The following MACO1 variants were observed in gnomAD, a reference collection of about 807,000 sequenced individuals.
MACO1 encodes macoilin 1.
In MACO1, 14 loss-of-function variants were observed where a neutral mutation model predicts 78.7. The ratio of observed to expected loss-of-function variants is 0.18; its 90% CI spans 0.12 to 0.28. MACO1 has a LOEUF of 0.28. Ranked by LOEUF, MACO1 falls within the 10% of genes least tolerant of loss-of-function variation. The pLI, the probability that MACO1 is intolerant of heterozygous loss-of-function variation, is 1.00. For missense variants in MACO1, 501 were observed against 799.0 expected (o/e 0.63, Z 4.50); for synonymous variants, 288 against 291.6 (o/e 0.99, Z 0.12).
intron 1 of MACO1, among the ~76,000 whole-genome samples, chr1:25,437,401 C>G (rs931333370): frequency 6.0e-5 from 9 of 150,800 alleles, no homozygotes; most frequent in African/African-American, 2.2e-4. Context: ...AAGTGAGCCA[C>G]TCACCTTGAC....
chr1:25,455,674 C>T (rs2043112966), intron 4 of MACO1, among the ~76,000 whole-genome samples: 1 of 152,064 alleles, frequency 6.6e-6, no homozygotes, highest in Admixed American at 6.5e-5. Context: ...CTAAGTACAG[C>T]TGGTTTAATT....
intron 10 of MACO1, among the ~76,000 whole-genome samples, chr1:25,495,644 A>G (rs1262507822): frequency 6.6e-6 from 1 of 152,108 alleles, no homozygotes; most frequent in Admixed American, 6.5e-5. Flanking sequence ...CCTACTCTCT[A>G]TATCATTTGA....
At chr1:25,459,485 G>T (rs913108717) in intron 6 of MACO1, among the ~76,000 whole-genome samples, 5 of 101,774 alleles carry the variant, frequency 4.9e-5, no homozygotes, top group African/African-American at 1.2e-4. Context: ...TTAATTAAAA[G>T]AATTTTTTTT....
Position 25,491,572 on chromosome 1 carries a change from G to A in MACO1, c.1780G>A (p.Glu594Lys). 1 of 1,614,136 alleles carries A rather than the reference G, an allele frequency of 6.2e-7. No individual in the cohort carries two copies. Among genetic ancestry groups the A allele is most frequent in the Non-Finnish European group, 8.5e-7 (1 of 1,179,986 alleles). Residue 594 changes from glutamate to lysine, a missense_variant, in exon 10 of 11, where the codon GAG becomes AAG. Physicochemically the swap from Glu to Lys is moderately conservative, Grantham distance 56. This residue lies in a region of MACO1 where 66 missense variants were observed against 101.6 expected (regional missense o/e 0.65). Coordinates refer to ENST00000374343, the MANE Select transcript of MACO1 (RefSeq NM_018202.6). ...SALGDAKRQL[E>K]IAQGQILQKD... ...ACTGGGCGATGCAAAGCGGCAGCTC[G>A]AGATTGCCCAAGGTAGGAGAACGTG...
At position 25,499,454 on chromosome 1, in the gene MACO1, GT is replaced by G. The variant is rs1375080380; in HGVS notation, c.*992del. On this transcript the variant is annotated 3_prime_UTR_variant, in exon 11 of 11. Transcript: ENST00000374343. ...TGCGGGTCTAGGTTTTTTTTTTTTT[GT>G]TTTGTTTTTTCATTTCATTTAACTG... The G allele has an allele frequency of 5.1e-4, 72 of 142,130 alleles. No homozygotes were observed. The highest frequency in any genetic ancestry group is 1.4e-3 in the African/African-American group (54 of 37,576). 8.8% of individuals were successfully genotyped at this position (142,130 alleles called of 1,614,324 possible). A position where few individuals can be genotyped will look rare whatever the true frequency, so the allele number is the denominator to read the frequency against.
intron 2 of MACO1, among the ~76,000 whole-genome samples, chr1:25,447,217 TA>T (rs34596921): frequency 1.0e-4 from 15 of 150,142 alleles, no homozygotes; most frequent in African/African-American, 3.4e-4. Context: ...GTTCCTACCT[TA>T]AAAAAAAAAT....
At chr1:25,479,749 T>G (rs371946765) in intron 6 of MACO1, among the ~76,000 whole-genome samples, 9 of 152,166 alleles carry the variant, frequency 5.9e-5, no homozygotes, top group Non-Finnish European at 2.9e-5. Context: ...CATTTTTCTA[T>G]TGGGCAAATG....
intron 3 of MACO1, 76 bp downstream of exon 3, chr1:25,449,010 A>G: frequency 7.6e-7 from 1 of 1,311,384 alleles, no homozygotes; most frequent in Non-Finnish European, 9.9e-7. Context: ...CTTTGAATAC[A>G]TTATTTAGAG....
intron 1 of MACO1, among the ~76,000 whole-genome samples, chr1:25,432,538 C>T (rs1375719625): frequency 6.6e-6 from 1 of 152,160 alleles, no homozygotes; most frequent in African/African-American, 2.4e-5. Flanking sequence ...CTGGATGAAT[C>T]GAACTTGACC....
chr1:25,444,867 T>C (rs2043001999), intron 1 of MACO1, among the ~76,000 whole-genome samples: 1 of 152,102 alleles, frequency 6.6e-6, no homozygotes, highest in African/African-American at 2.4e-5. Flanking sequence ...CCACTGTGCC[T>C]GGCCCTCGTT....
rs200248322 is a variant in MACO1 at position 25,465,668 on chromosome 1, G to T, written c.1154+6776G>T. Among the ~76,000 whole-genome samples the T allele has an allele frequency of 1.2e-4, 18 of 152,278 alleles. No homozygotes were observed. The East Asian group carries it at 3.3e-3, about 28-fold the overall frequency. On this transcript the variant is annotated intron_variant, in intron 6 of 10. Transcript: ENST00000374343. Reference sequence around the variant, plus strand: ...ATTCATGGTGTACAAGTGCAATTTTGTTACATGCATAGATTGTGTATTGGT... The same window carrying T: ...ATTCATGGTGTACAAGTGCAATTTTTTTACATGCATAGATTGTGTATTGGT...
intron 3 of MACO1, among the ~76,000 whole-genome samples, chr1:25,451,820 C>T (rs1219371599): frequency 1.3e-5 from 2 of 151,594 alleles, no homozygotes; most frequent in Non-Finnish European, 2.9e-5. Flanking sequence ...GCAGGAAAAT[C>T]GCTTGAACCC....
intron 1 of MACO1, among the ~76,000 whole-genome samples, chr1:25,437,298 C>CTTTTTTTTTTTTTTT: frequency 1.5e-5 from 1 of 65,882 alleles, no homozygotes; most frequent in Non-Finnish European, 2.9e-5. Flanking sequence ...CCATGCCTGG[C>CTTTTTTTTTTTTTTT]TTTTTTTTTT....
chr1:25,433,035 CTT>C (rs759231104), intron 1 of MACO1, among the ~76,000 whole-genome samples: 1 of 152,324 alleles, frequency 6.6e-6, no homozygotes, highest in East Asian at 1.9e-4. Context: ...TGTAAATACT[CTT>C]TGCAAGTTAT....
intron 6 of MACO1, among the ~76,000 whole-genome samples, chr1:25,473,673 G>GT (rs1004379709): frequency 2.0e-4 from 30 of 152,196 alleles, no homozygotes; most frequent in African/African-American, 7.0e-4. Flanking sequence ...ATCTAAGGGG[G>GT]TTAGGGGTGG....
intron 6 of MACO1, among the ~76,000 whole-genome samples, chr1:25,470,415 A>AT (rs2043257259): frequency 6.6e-6 from 1 of 152,182 alleles, no homozygotes; most frequent in Non-Finnish European, 1.5e-5. Flanking sequence ...ATGAAGCAAG[A>AT]ATAGAATCCA....
intron 4 of MACO1, among the ~76,000 whole-genome samples, chr1:25,456,331 A>G (rs2043120335): frequency 6.6e-6 from 1 of 151,998 alleles, no homozygotes; most frequent in South Asian, 2.1e-4. Context: ...ATATTTCTTC[A>G]AAGGCATTAT....
Position 25,478,114 on chromosome 1 carries a change from A to G in MACO1, c.1155-6002A>G, listed in dbSNP as rs190832934. Among the ~76,000 whole-genome samples the G allele has an allele frequency of 8.5e-5, 13 of 152,266 alleles. No individual in the cohort carries two copies. The East Asian group carries it at 2.5e-3, about 29-fold the overall frequency. On this transcript the variant is annotated intron_variant, in intron 6 of 10. Transcript: ENST00000374343. ...ACAAACATTAGCCAGGCATGGTGGT[A>G]CAGGCCTATAATCCCAGCTACTCAG...
chr1:25,455,714 T>A (rs1271544312), intron 4 of MACO1, among the ~76,000 whole-genome samples: 1 of 152,196 alleles, frequency 6.6e-6, no homozygotes, highest in Non-Finnish European at 1.5e-5. Flanking sequence ...TTGGCACTGA[T>A]CATATCGGAT....
Sources: allele counts gnomAD v4.1 joint callset (sites outside exome capture counted in the v4.1 genomes callset), GRCh38; gene constraint gnomAD v4.1.1; regional missense constraint gnomAD v4.1.1; transcripts MANE v1.5; gene names NCBI Gene and HGNC (gene_info 2026-07-23, HGNC 2026-07-21).